The following PICALM variants were observed in gnomAD, a reference collection of about 807,000 sequenced individuals.
PICALM encodes the protein phosphatidylinositol-binding clathrin assembly protein.
In PICALM, 40 loss-of-function variants were observed where a neutral mutation model predicts 80.5. The ratio of observed to expected loss-of-function variants is 0.50; its 90% CI spans 0.39 to 0.65. PICALM has a LOEUF of 0.65. Among genes scored for constraint, PICALM ranks in the 30% least tolerant of loss-of-function variants. The pLI is 0.00. For synonymous variants in PICALM, 288 were observed against 260.3 expected (o/e 1.11, Z -1.02); for missense variants, 676 against 778.9 (o/e 0.87, Z 1.57).
intron 5 of PICALM, among the ~76,000 whole-genome samples, chr11:86,014,064 C>T (rs1592923330): frequency 6.6e-6 from 1 of 152,138 alleles, no homozygotes; most frequent in South Asian, 2.1e-4. Flanking sequence ...CTATGAAATA[C>T]CTGTAAGATT....
chr11:85,959,842 G>C (rs1592246346), intron 19 of PICALM, among the ~76,000 whole-genome samples: 1 of 151,806 alleles, frequency 6.6e-6, no homozygotes, highest in South Asian at 2.1e-4. Context: ...AGCCTCCCAG[G>C]GTGCTGGGAT....
intron 19 of PICALM, among the ~76,000 whole-genome samples, chr11:85,965,866 G>A (rs926882755): frequency 7.0e-6 from 1 of 143,668 alleles, no homozygotes; most frequent in Non-Finnish European, 1.5e-5. Context: ...GCCCAGGCTG[G>A]AGTACAGTGG....
At chr11:86,007,815 A>G (rs976773301) in intron 7 of PICALM, among the ~76,000 whole-genome samples, 1 of 152,138 alleles carries the variant, frequency 6.6e-6, no homozygotes, top group African/African-American at 2.4e-5. Context: ...AACAAATCTA[A>G]GTTACCATCC....
chr11:86,001,110 T>C lies in PICALM; in HGVS notation c.942A>G (p.Leu314=), dbSNP rs139625756. Residue 314 remains leucine (L), a synonymous_variant, in exon 10 of 20, where the codon CTA becomes CTG. Coordinates refer to ENST00000393346, the MANE Select transcript of PICALM (RefSeq NM_007166.4). ...NAVSSLASTG[L]SLTKVDEREK... ...CCCTTTCATCCACTTTGGTCAGAGA[T>C]AGACCAGTGCTTGCCAGGGAAGACA... 312 of 1,613,964 alleles carry C rather than the reference T, an allele frequency of 1.9e-4. 4 individuals carry two copies. In the South Asian group the frequency reaches 2.4e-3, roughly 12 times the overall value.
rs1182414153 is a variant in PICALM, at chr11:85,983,849, A to T, written c.1516+17T>A. 2 of 1,054,710 alleles carry T rather than the reference A, an allele frequency of 1.9e-6. No individual in the cohort carries two copies. The highest frequency in any genetic ancestry group is 1.6e-5 in the African/African-American group (1 of 61,520). 65.3% of individuals were successfully genotyped at this position (1,054,710 alleles called of 1,614,324 possible). ...TTAGGACATTATAATATTTTTAATA[A>T]AATTTTTTTTCCTTACCCCCAGAAT... On this transcript the variant is annotated intron_variant, in intron 14 of 19. Coordinates refer to ENST00000393346, the MANE Select transcript of PICALM (RefSeq NM_007166.4).
intron 1 of PICALM, among the ~76,000 whole-genome samples, chr11:86,041,537 T>C (rs1160500517): frequency 6.8e-6 from 1 of 146,604 alleles, no homozygotes; most frequent in South Asian, 2.1e-4. Flanking sequence ...AAAGGGAATA[T>C]GTAGAGAAGA....
intron 10 of PICALM, 48 bp from the exon 11 acceptor site, chr11:86,000,827 T>C (rs1408257839): frequency 1.3e-6 from 2 of 1,582,018 alleles, no homozygotes; most frequent in South Asian, 1.2e-5. Context: ...CCAGATTTCT[T>C]TGTACAGCCT....
chr11:86,049,380 T>A (rs2096137424), intron 1 of PICALM, among the ~76,000 whole-genome samples: 1 of 152,224 alleles, frequency 6.6e-6, no homozygotes, highest in African/African-American at 2.4e-5. Flanking sequence ...ATCTTTGATA[T>A]TCAGTTTTAA....
At chr11:86,018,675 G>C (rs2095518115) in intron 4 of PICALM, among the ~76,000 whole-genome samples, 1 of 152,068 alleles carries the variant, frequency 6.6e-6, no homozygotes, top group South Asian at 2.1e-4. Flanking sequence ...GCTCACTTGA[G>C]GTCAGGAGCT....
chr11:85,998,595 TC>T (rs2095050769), intron 11 of PICALM, among the ~76,000 whole-genome samples: 1 of 151,728 alleles, frequency 6.6e-6, no homozygotes, highest in Non-Finnish European at 1.5e-5. Context: ...AAGTTCAAGA[TC>T]AGCTTGGGCA....
At chr11:86,002,524 G>A (rs1429797895) in intron 9 of PICALM, among the ~76,000 whole-genome samples, 2 of 152,132 alleles carry the variant, frequency 1.3e-5, no homozygotes, top group African/African-American at 2.4e-5. Context: ...TAGGTTAAAT[G>A]GTCTTAGTCT....
At chr11:85,962,983 A>C (rs1437202477) in intron 19 of PICALM, among the ~76,000 whole-genome samples, 1 of 152,180 alleles carries the variant, frequency 6.6e-6, no homozygotes. Flanking sequence ...TCAGTAGCCC[A>C]ATTACTGCTC....
intron 3 of PICALM, among the ~76,000 whole-genome samples, chr11:86,022,964 C>A (rs1473802190): frequency 1.3e-5 from 2 of 152,050 alleles, no homozygotes; most frequent in Non-Finnish European, 2.9e-5. Context: ...TAAGAAATGG[C>A]AACATGCAAG....
intron 1 of PICALM, among the ~76,000 whole-genome samples, chr11:86,035,567 G>C (rs1213861123): frequency 3.9e-5 from 6 of 152,070 alleles, no homozygotes; most frequent in Non-Finnish European, 8.8e-5. Flanking sequence ...CTTTCAAAAA[G>C]GTCATTTTGA....
At chr11:86,013,448 C>T (rs1030731822) in intron 5 of PICALM, among the ~76,000 whole-genome samples, 2 of 152,020 alleles carry the variant, frequency 1.3e-5, no homozygotes, top group Admixed American at 1.3e-4. Context: ...CATTCTTTTT[C>T]TGGGTGTTAA....
intron 1 of PICALM, among the ~76,000 whole-genome samples, chr11:86,043,900 G>A (rs2096019271): frequency 6.6e-6 from 1 of 152,114 alleles, no homozygotes; most frequent in Non-Finnish European, 1.5e-5. Flanking sequence ...CTCTGCCAGA[G>A]GCTCCCTCAC....
At chr11:86,038,013 G>A (rs1167789099) in intron 1 of PICALM, among the ~76,000 whole-genome samples, 1 of 152,170 alleles carries the variant, frequency 6.6e-6, no homozygotes, top group Admixed American at 6.6e-5. Context: ...GTGAGGAAGA[G>A]GTGGTACAAG....
intron 19 of PICALM, among the ~76,000 whole-genome samples, chr11:85,973,108 CAAG>C: frequency 6.6e-6 from 1 of 152,170 alleles, no homozygotes; most frequent in Admixed American, 6.5e-5. Flanking sequence ...GATTAAAGAA[CAAG>C]GAGGAAGTCA....
At chr11:86,048,166 T>C (rs2096110489) in intron 1 of PICALM, among the ~76,000 whole-genome samples, 1 of 152,208 alleles carries the variant, frequency 6.6e-6, no homozygotes, top group Non-Finnish European at 1.5e-5. Flanking sequence ...TGCACCTTCA[T>C]GCAGTCAAGG....
Sources: gnomAD v4.1 joint callset for allele counts (sites outside exome capture counted in the v4.1 genomes callset) on GRCh38, gnomAD v4.1.1 for gene constraint, MANE v1.5 for transcripts, NCBI Gene and HGNC (gene_info 2026-07-23, HGNC 2026-07-21) for gene names.